The following COMP variants were observed in gnomAD, a reference collection of about 807,000 sequenced individuals.
COMP encodes the protein cartilage oligomeric matrix protein (pseudoachondroplasia, epiphyseal dysplasia 1, multiple).
A neutral mutation model predicts 95.8 loss-of-function variants in COMP; 79 were observed. The observed-to-expected ratio is 0.82, with a 90% CI of 0.69 to 0.99. The LOEUF is 0.99. Among genes scored for constraint, COMP ranks in the 50% least tolerant of loss-of-function variants. COMP has a pLI of 0.00. For missense variants in COMP, 906 were observed against 1,076.1 expected (o/e 0.84, Z 2.21); for synonymous variants, 438 against 433.9 (o/e 1.01, Z -0.12).
Position 18,789,205 on chromosome 19 carries a change from G to A in COMP, c.483C>T (p.Pro161=). Residue 161 remains proline, a synonymous_variant, in exon 5 of 19, where the codon CCC becomes CCT. Transcript: ENST00000222271. The surrounding 1 kb of genome is among the most constrained non-coding windows in gnomAD (Gnocchi z 6.1). The part of the protein sequence containing the change: ...CEACPPGYSG[P]THQGVGLAFA... ...AAGCCAGCCCCACGCCCTGGTGGGT[G>A]GGGCCGCTGTACCCCGGCGGGCAAG... 1 of 1,554,900 alleles carries A rather than the reference G, an allele frequency of 6.4e-7. No individual in the cohort carries two copies. Among genetic ancestry groups the A allele is most frequent in the Non-Finnish European group, 8.6e-7 (1 of 1,158,000 alleles).
At chr19:18,787,224 C>T (rs1355435558) in intron 10 of COMP, among the ~76,000 whole-genome samples, 1 of 152,224 alleles carries the variant, frequency 6.6e-6, no homozygotes, top group African/African-American at 2.4e-5. Flanking sequence ...AGGTCCTAAA[C>T]CCCAGGCTCG....
Position 18,790,865 on chromosome 19 carries a change from C to T in COMP, c.150G>A (p.Glu50=). The change falls in exon 2 of 19, where the codon GAG becomes GAA. Residue 50 remains glutamate, a synonymous_variant. Coordinates refer to ENST00000222271, the MANE Select transcript of COMP (RefSeq NM_000095.3). ...GGCCCCGCACCTGCTGCCGCAGCAG[C>T]TCCCGCACGTCCTGCAGCGCCGCGT... ...ETNAALQDVR[E]LLRQQVREIT... The T allele has an allele frequency of 6.4e-7, 1 of 1,566,588 alleles. No individual in the cohort carries two copies. Among genetic ancestry groups the T allele is most frequent in the Non-Finnish European group, 8.6e-7 (1 of 1,157,802 alleles).
chr19:18,787,561 C>T lies in COMP; in HGVS notation c.1065G>A (p.Lys355=), dbSNP rs773580745. 3.1e-6 allele frequency: 5 copies of T among 1,614,078 alleles called. No individual in the cohort carries two copies. Among genetic ancestry groups the T allele is most frequent in the Non-Finnish European group, 4.2e-6 (5 of 1,180,038 alleles). Reference sequence around the variant, plus strand: ...GGTCTGTGTCCTTTTGGTCGTCGTTCTTCTGGGACCGGCAGTTGTCGCACG... The same window carrying T: ...GGTCTGTGTCCTTTTGGTCGTCGTTTTTCTGGGACCGGCAGTTGTCGCACG... ...GDACDNCRSQ[K]NDDQKDTDQD... is the part of the protein sequence containing the mutation. Residue 355 remains lysine, a synonymous_variant, in exon 10 of 19, where the codon AAG becomes AAA. Coordinates refer to ENST00000222271, the MANE Select transcript of COMP (RefSeq NM_000095.3).
At position 18,788,384 on chromosome 19, in the gene COMP, G is replaced by GGCCCCCC; in HGVS notation, c.867+25_867+26insGGGGGGC. 8 of 1,516,170 alleles carry GGCCCCCC rather than the reference G, an allele frequency of 5.3e-6. No homozygotes were observed. Among genetic ancestry groups the GGCCCCCC allele is most frequent in the Non-Finnish European group, 6.4e-6 (7 of 1,098,438 alleles). 93.9% of individuals were successfully genotyped at this position (1,516,170 alleles called of 1,614,324 possible). On this transcript the variant is annotated intron_variant, in intron 8 of 18. Coordinates refer to ENST00000222271, the MANE Select transcript of COMP (RefSeq NM_000095.3). The surrounding 1 kb of genome is among the most constrained non-coding windows in gnomAD (Gnocchi z 4.7). ...AAGTCCCGCCCTCCCTCCTGCCCAAGCCCGCCCCGCTCCGCCCCCACCCAC... is the reference window on the plus strand; with the variant it reads ...AAGTCCCGCCCTCCCTCCTGCCCAAGGCCCCCCCCCGCCCCGCTCCGCCCCCACCCAC...
Position 18,784,792 on chromosome 19 carries a change from A to G in COMP, c.1914+104T>C. ...CTGGGACAGCTTTGAGGTCCATAGT[A>G]TGAGGCTAGGGGGCTGGGGGGCTCT... On this transcript the variant is annotated intron_variant, in intron 16 of 18. Coordinates refer to ENST00000222271, the MANE Select transcript of COMP (RefSeq NM_000095.3). This position sits in a 1 kb window ranked among gnomAD's most constrained non-coding sequence, Gnocchi z 4.9. 1.5e-6 allele frequency: 2 copies of G among 1,296,588 alleles called. No homozygotes were observed. Among genetic ancestry groups the G allele is most frequent in the Non-Finnish European group, 2.2e-6 (2 of 908,936 alleles). 80.3% of individuals were successfully genotyped at this position (1,296,588 alleles called of 1,614,324 possible). A position where few individuals can be genotyped will look rare whatever the true frequency, so the allele number is the denominator to read the frequency against.
chr19:18,791,055 G>T, intron 1 of COMP, 120 bp from the exon 2 acceptor site: 3 of 1,501,694 alleles, frequency 2.0e-6, no homozygotes, highest in South Asian at 2.4e-5. Context: ...TCTCGGTCCC[G>T]CCACCTGCTT....
chr19:18,788,896 G>C lies in COMP; in HGVS notation c.546C>G (p.Asn182Lys), dbSNP rs1203873251. Reference protein sequence around the residue: ...KANKQVCTDINECETGQHNCV... With the variant: ...KANKQVCTDIKECETGQHNCV... ...AGTTATGTTGCCCGGTCTCACACTCGTTGATGTCCGTGCAAACCTAGGGGA... is the reference window on the plus strand; with the variant it reads ...AGTTATGTTGCCCGGTCTCACACTCCTTGATGTCCGTGCAAACCTAGGGGA... Residue 182 changes from asparagine to lysine, a missense_variant, in exon 6 of 19, where the codon AAC becomes AAG. By Grantham distance (94) the Asn-to-Lys change is moderately conservative. Transcript: ENST00000222271. This position sits in a 1 kb window ranked among gnomAD's most constrained non-coding sequence, Gnocchi z 4.7. 3 of 1,613,722 alleles carry C rather than the reference G, an allele frequency of 1.9e-6. No individual in the cohort carries two copies. Among genetic ancestry groups the C allele is most frequent in the Non-Finnish European group, 2.5e-6 (3 of 1,179,940 alleles).
chr19:18,786,460 G>T lies in COMP; in HGVS notation c.1254+72C>A, dbSNP rs2055167971. 4 of 1,531,796 alleles carry T rather than the reference G, an allele frequency of 2.6e-6. No homozygotes were observed. The East Asian group carries it at 9.0e-5, about 34-fold the overall frequency. The allele number at this position is 1,531,796 out of a possible 1,614,324, so 94.9% of individuals were successfully genotyped here. A position where few individuals can be genotyped will look rare whatever the true frequency, so the allele number is the denominator to read the frequency against. ...GGCAGTGTAAAATGCTCTAAGCTGG[G>T]CTGTGGGCTGGGTAATCCAACTTGC... On this transcript the variant is annotated intron_variant, in intron 11 of 18. Coordinates refer to ENST00000222271, the MANE Select transcript of COMP (RefSeq NM_000095.3).
In COMP at chr19:18,788,799, C is replaced by T. The variant is rs568308811; in HGVS notation, c.603+40G>A. 1 of 1,610,756 alleles carries T rather than the reference C, an allele frequency of 6.2e-7. No homozygotes were observed. Among genetic ancestry groups the T allele is most frequent in the Non-Finnish European group, 8.5e-7 (1 of 1,178,860 alleles). ...AGCGCAGGCCGCCCGCCGCTCGCCC[C>T]ACCTCCCGCGATCCTTTCTTCCTCC... On this transcript the variant is annotated intron_variant, in intron 6 of 18. Transcript: ENST00000222271. This position sits in a 1 kb window ranked among gnomAD's most constrained non-coding sequence, Gnocchi z 4.7.
At position 18,785,752 on chromosome 19, in the gene COMP, T is replaced by C. The variant is rs765454754; in HGVS notation, c.1589A>G (p.Asp530Gly). 2.9e-5 allele frequency: 46 copies of C among 1,613,324 alleles called. 1 individual carries two copies. Among genetic ancestry groups the C allele is most frequent in the Non-Finnish European group, 8.5e-7 (1 of 1,180,030 alleles). ...CACGACTGTCTGGAAGGCCCTGAAG[T>C]CGGTGAGCGTGACTTCAGCGTTCTC... ...CPENAEVTLT[D>G]FRAFQTVVLD... The change falls in exon 14 of 19, where the codon GAC becomes GGC. Residue 530 changes from aspartate (D) to glycine (G), a missense_variant. Physicochemically the swap from Asp to Gly is moderately conservative, Grantham distance 94. Transcript: ENST00000222271.
Position 18,788,389 on chromosome 19 carries a change from C to T in COMP, c.867+21G>A, listed in dbSNP as rs749404421. On this transcript the variant is annotated intron_variant, in intron 8 of 18. Transcript: ENST00000222271. The surrounding 1 kb of genome is among the most constrained non-coding windows in gnomAD (Gnocchi z 4.7). ...CCGCCCTCCCTCCTGCCCAAGCCCGCCCCGCTCCGCCCCCACCCACCTTAC... is the reference window on the plus strand; with the variant it reads ...CCGCCCTCCCTCCTGCCCAAGCCCGTCCCGCTCCGCCCCCACCCACCTTAC... 2 of 1,586,238 alleles carry T rather than the reference C, an allele frequency of 1.3e-6. No homozygotes were observed. The highest frequency in any genetic ancestry group is 2.7e-5 in the African/African-American group (2 of 74,544).
chr19:18,783,596 G>A (rs1242785952), intron 17 of COMP, among the ~76,000 whole-genome samples: 1 of 149,898 alleles, frequency 6.7e-6, no homozygotes, highest in Non-Finnish European at 1.5e-5. Flanking sequence ...ATGGGCACGT[G>A]CCACCATGCC....
At position 18,790,950 on chromosome 19, in the gene COMP, G is replaced by A. The variant is rs1350086262; in HGVS notation, c.80-15C>T. On this transcript the variant is annotated splice_polypyrimidine_tract_variant and intron_variant, in intron 1 of 18. Coordinates refer to ENST00000222271, the MANE Select transcript of COMP (RefSeq NM_000095.3). Reference sequence around the variant, plus strand: ...CAGGTCTGAGCCTGCGGCGGCAGGGGACCTGGTGAGGCGTCATGGGGCCGG... The same window carrying A: ...CAGGTCTGAGCCTGCGGCGGCAGGGAACCTGGTGAGGCGTCATGGGGCCGG... 2.6e-6 allele frequency: 4 copies of A among 1,551,892 alleles called. No individual in the cohort carries two copies. The highest frequency in any genetic ancestry group is 1.9e-5 in the Admixed American group (1 of 51,426).
Position 18,784,046 on chromosome 19 carries a change from A to G in COMP, c.2087+145T>C. ...AGGTGTGAGCCACCACGCCTGGACC[A>G]GCATAGGCTCATTCTAACTGCCCTG... is the stretch of plus-strand genomic sequence containing the variant. On this transcript the variant is annotated intron_variant, in intron 17 of 18. Transcript: ENST00000222271. This position sits in a 1 kb window ranked among gnomAD's most constrained non-coding sequence, Gnocchi z 4.9. The G allele has an allele frequency of 1.1e-6, 1 of 903,314 alleles. No individual in the cohort carries two copies. The highest frequency in any genetic ancestry group is 1.5e-5 in the South Asian group (1 of 67,510). 56.0% of individuals were successfully genotyped at this position (903,314 alleles called of 1,614,324 possible).
intron 3 of COMP, 87 bp downstream of exon 3, chr19:18,790,475 C>T: frequency 6.4e-7 from 1 of 1,557,546 alleles, no homozygotes; most frequent in Non-Finnish European, 8.8e-7. Flanking sequence ...GTCTCTTTTC[C>T]TCCCCAGCTT....
Position 18,784,862 on chromosome 19 carries a change from G to T in COMP, c.1914+34C>A. ...ACGGAGGGTCATGGGAGGGCATGAG[G>T]ACCGCAGAGGTCAGGCACGGACGGC... On this transcript the variant is annotated intron_variant, in intron 16 of 18. Transcript: ENST00000222271. The surrounding 1 kb of genome is among the most constrained non-coding windows in gnomAD (Gnocchi z 4.9). 1 of 1,609,682 alleles carries T rather than the reference G, an allele frequency of 6.2e-7. No homozygotes were observed. Among genetic ancestry groups the T allele is most frequent in the South Asian group, 1.1e-5 (1 of 90,992 alleles).
In COMP at chr19:18,789,875, G is replaced by T. The variant is rs547274338; in HGVS notation, c.390+67C>A. 4.0e-5 allele frequency: 62 copies of T among 1,557,068 alleles called. No individual in the cohort carries two copies. In the East Asian group the frequency reaches 1.1e-3, roughly 27 times the overall value. The stretch of plus-strand genomic sequence containing the variant: ...CTCCCAGTGGAGGAAGGGGTCTCCC[G>T]GGCGGCGAGAGATTGGGGGGCGGTA... On this transcript the variant is annotated intron_variant, in intron 4 of 18. Transcript: ENST00000222271. The surrounding 1 kb of genome is among the most constrained non-coding windows in gnomAD (Gnocchi z 6.1).
Position 18,787,561 on chromosome 19 carries a change from C to A in COMP, c.1065G>T (p.Lys355Asn). 1 of 1,614,078 alleles carries A rather than the reference C, an allele frequency of 6.2e-7. No individual in the cohort carries two copies. The highest frequency in any genetic ancestry group is 2.2e-5 in the East Asian group (1 of 44,872). The change falls in exon 10 of 19, where the codon AAG (lysine) becomes AAT (asparagine). Residue 355 changes from lysine to asparagine, a missense_variant. Lys to Asn is a moderately conservative substitution (Grantham distance 94). Transcript: ENST00000222271. Reference sequence around the variant, plus strand: ...GGTCTGTGTCCTTTTGGTCGTCGTTCTTCTGGGACCGGCAGTTGTCGCACG... The same window carrying A: ...GGTCTGTGTCCTTTTGGTCGTCGTTATTCTGGGACCGGCAGTTGTCGCACG... ...GDACDNCRSQ[K>N]NDDQKDTDQD...
At position 18,784,175 on chromosome 19, in the gene COMP, A is replaced by G. The variant is rs552528911; in HGVS notation, c.2087+16T>C. The G allele has an allele frequency of 1.2e-6, 2 of 1,612,774 alleles. No individual in the cohort carries two copies. Among genetic ancestry groups the G allele is most frequent in the South Asian group, 2.2e-5 (2 of 91,038 alleles). ...GTGTCCCCAGCCCAGCCCACCACAG[A>G]GGGTGGAGTCCCCACCTGATGTAGC... On this transcript the variant is annotated intron_variant, in intron 17 of 18. Transcript: ENST00000222271. The surrounding 1 kb of genome is among the most constrained non-coding windows in gnomAD (Gnocchi z 4.9).
Sources: gnomAD v4.1 joint callset for allele counts (sites outside exome capture counted in the v4.1 genomes callset) on GRCh38, gnomAD v4.1.1 for gene constraint, Gnocchi (gnomAD v3.1) non-coding constraint, MANE v1.5 for transcripts, NCBI Gene and HGNC (gene_info 2026-07-23, HGNC 2026-07-21) for gene names.